LGALSL: variants seen among roughly 807,000 people sequenced by gnomAD.
LGALSL encodes galectin-related protein.
A neutral mutation model predicts 19.5 loss-of-function variants in LGALSL; 13 were observed. That is an observed-to-expected ratio of 0.67 (90% CI 0.43 to 1.06). LGALSL has a LOEUF of 1.06. Ranked by LOEUF, LGALSL falls within the 50% of genes least tolerant of loss-of-function variation. The probability of loss-of-function intolerance (pLI) is 0.00; values close to 1 mark genes in which losing one functional copy is unlikely to be tolerated. For synonymous variants in LGALSL, 86 were observed against 78.3 expected (o/e 1.10, Z -0.52); for missense variants, 189 against 219.3 (o/e 0.86, Z 0.87).
In LGALSL at chr2:64,458,714, C is replaced by G; in HGVS notation, c.*286C>G. The G allele has an allele frequency of 3.5e-6, 1 of 284,768 alleles. No individual in the cohort carries two copies. The highest frequency in any genetic ancestry group is 9.3e-5 in the South Asian group (1 of 10,746). 17.6% of individuals were successfully genotyped at this position (284,768 alleles called of 1,614,324 possible). ...TAGCAAATTATTCATCTTTTCAAAG[C>G]AAGGCAATGCTTAGAAACAGAAGTG... On this transcript the variant is annotated 3_prime_UTR_variant, in exon 5 of 5. Coordinates refer to ENST00000238875, the MANE Select transcript of LGALSL (RefSeq NM_014181.3).
rs1217000425 is a variant in LGALSL, at chr2:64,460,033, CAACAT to C, written c.*1606_*1610del. On this transcript the variant is annotated 3_prime_UTR_variant, in exon 5 of 5. Coordinates refer to ENST00000238875, the MANE Select transcript of LGALSL (RefSeq NM_014181.3). ...TTTGAGTTTTTTTTTTTTTTTTACACAACATGCAGAGGCACTGAAGTGACCATGTC... is the reference window on the plus strand; with the variant it reads ...TTTGAGTTTTTTTTTTTTTTTTACACGCAGAGGCACTGAAGTGACCATGTC... 3 of 147,898 alleles carry C rather than the reference CAACAT, an allele frequency of 2.0e-5. No individual in the cohort carries two copies. The highest frequency in any genetic ancestry group is 2.1e-4 in the South Asian group (1 of 4,714). The allele number at this position is 147,898 out of a possible 1,614,324, so 9.2% of individuals were successfully genotyped here.
rs1035433206 is a variant in LGALSL at position 64,456,539 on chromosome 2, A to G, written c.375+74A>G. On this transcript the variant is annotated intron_variant, in intron 4 of 4. Coordinates refer to ENST00000238875, the MANE Select transcript of LGALSL (RefSeq NM_014181.3). ...TTCGACTTACCTAGTGTGTGCCAAGAACACTTGAAGCAGCCAGAATTTCTG... is the reference window on the plus strand; with the variant it reads ...TTCGACTTACCTAGTGTGTGCCAAGGACACTTGAAGCAGCCAGAATTTCTG... 9 of 1,260,638 alleles carry G rather than the reference A, an allele frequency of 7.1e-6. No homozygotes were observed. In the Admixed American group the frequency reaches 2.3e-4, roughly 32 times the overall value. 78.1% of individuals were successfully genotyped at this position (1,260,638 alleles called of 1,614,324 possible).
intron 4 of LGALSL, among the ~76,000 whole-genome samples, chr2:64,457,182 T>C (rs1374706443): frequency 6.6e-6 from 1 of 152,066 alleles, no homozygotes; most frequent in Non-Finnish European, 1.5e-5. Flanking sequence ...TCCCACCACT[T>C]TGGGAGGCTG....
In LGALSL at chr2:64,454,538, G is replaced by T; in HGVS notation, c.-8G>T. On this transcript the variant is annotated 5_prime_UTR_variant, in exon 1 of 5. Coordinates refer to ENST00000238875, the MANE Select transcript of LGALSL (RefSeq NM_014181.3). This position sits in a 1 kb window ranked among gnomAD's most constrained non-coding sequence, Gnocchi z 5.1. ...CGTCCCACGTACCCCGCCGCGCCGG[G>T]CAAGAAGATGGCGGGATCAGTGGCC... 7.0e-7 allele frequency: 1 copy of T among 1,437,010 alleles called. No homozygotes were observed. Among genetic ancestry groups the T allele is most frequent in the Non-Finnish European group, 9.2e-7 (1 of 1,090,854 alleles). The allele number at this position is 1,437,010 out of a possible 1,614,324, so 89.0% of individuals were successfully genotyped here. A position where few individuals can be genotyped will look rare whatever the true frequency, so the allele number is the denominator to read the frequency against.
intron 3 of LGALSL, 87 bp downstream of exon 3, chr2:64,455,764 C>T (rs1686725504): frequency 3.2e-6 from 3 of 951,628 alleles, no homozygotes; most frequent in Non-Finnish European, 5.1e-6. Flanking sequence ...TCCTCTTCCT[C>T]TCCTTGTGGA....
Position 64,454,725 on chromosome 2 carries a change from AGCC to A in LGALSL, c.36+147_36+149del, listed in dbSNP as rs900323673. The A allele has an allele frequency of 6.1e-5, 28 of 461,692 alleles. No individual in the cohort carries two copies. The highest frequency in any genetic ancestry group is 4.8e-5 in the Admixed American group (1 of 20,804). 28.6% of individuals were successfully genotyped at this position (461,692 alleles called of 1,614,324 possible). On this transcript the variant is annotated intron_variant, in intron 1 of 4. Transcript: ENST00000238875. The surrounding 1 kb of genome is among the most constrained non-coding windows in gnomAD (Gnocchi z 5.1). ...GGGAAGGCGCCCGGTACCTGTTAGC[AGCC>A]GCTGGCTGCGCGCGGCCGGTGTTAG...
At chr2:64,456,649 G>C (rs888606123) in intron 4 of LGALSL, among the ~76,000 whole-genome samples, 184 bp downstream of exon 4, 1 of 152,220 alleles carries the variant, frequency 6.6e-6, no homozygotes, top group Admixed American at 6.5e-5. Context: ...ACTTGCCATA[G>C]TATCTTCTTA....
chr2:64,454,279 C>G lies in LGALSL; in HGVS notation c.-267C>G, dbSNP rs1021183866. 1.3e-3 allele frequency: 509 copies of G among 395,768 alleles called. 4 individuals are homozygous for G. The Admixed American group carries it at 0.018, about 14-fold the overall frequency. 24.5% of individuals were successfully genotyped at this position (395,768 alleles called of 1,614,324 possible). ...GGCAGCGGCAGCGGCAGCAAGCAGC[C>G]CCGTCGGCCCGGGTCCGGGGCCGTT... is the stretch of plus-strand genomic sequence containing the variant. On this transcript the variant is annotated 5_prime_UTR_variant, in exon 1 of 5. Transcript: ENST00000238875. This position sits in a 1 kb window ranked among gnomAD's most constrained non-coding sequence, Gnocchi z 5.1.
In LGALSL at chr2:64,454,466, G is replaced by GC. The variant is rs1686696335; in HGVS notation, c.-75dup. On this transcript the variant is annotated 5_prime_UTR_variant, in exon 1 of 5. Coordinates refer to ENST00000238875, the MANE Select transcript of LGALSL (RefSeq NM_014181.3). The surrounding 1 kb of genome is among the most constrained non-coding windows in gnomAD (Gnocchi z 5.1). ...GCCGCCAGCTCGGACCCGCGCCCCC[G>GC]CCCCCGCCCCGCGCAGGACAGCCCC... 1.6e-6 allele frequency: 1 copy of GC among 613,142 alleles called. No individual in the cohort carries two copies. The highest frequency in any genetic ancestry group is 7.8e-5 in the South Asian group (1 of 12,770). 38.0% of individuals were successfully genotyped at this position (613,142 alleles called of 1,614,324 possible).
At chr2:64,455,456 C>T in intron 2 of LGALSL, 41 bp downstream of exon 2, 5 of 1,549,108 alleles carry the variant, frequency 3.2e-6, no homozygotes, top group Non-Finnish European at 4.5e-6. Flanking sequence ...TACCTTCCTC[C>T]TTTCTCATTG....
rs1304500759 is a variant in LGALSL, at chr2:64,454,873, G to C, written c.36+292G>C. On this transcript the variant is annotated intron_variant, in intron 1 of 4. Transcript: ENST00000238875. This position sits in a 1 kb window ranked among gnomAD's most constrained non-coding sequence, Gnocchi z 5.1. ...GTGCAACCGCCAGCCAGGTGTGCGC[G>C]TGGGTGAGTGTGTCCGGGGCGCGCG... Among the ~76,000 whole-genome samples, 1 of 151,280 alleles carries C rather than the reference G, an allele frequency of 6.6e-6. No homozygotes were observed. The highest frequency in any genetic ancestry group is 1.5e-5 in the Non-Finnish European group (1 of 67,734).
Position 64,455,611 on chromosome 2 carries a change from T to G in LGALSL, c.131T>G (p.Ile44Ser), listed in dbSNP as rs1211551843. Reference sequence around the variant, plus strand: ...CAGATAGTTCCATTTTGTGGGCACATTAAAGGTGGCATGAGACCAGGCAAG... The same window carrying G: ...CAGATAGTTCCATTTTGTGGGCACAGTAAAGGTGGCATGAGACCAGGCAAG... ...PRLIVPFCGH[I>S]KGGMRPGKKV... Residue 44 changes from isoleucine to serine, a missense_variant, in exon 3 of 5, where the codon ATT becomes AGT. Coordinates refer to ENST00000238875, the MANE Select transcript of LGALSL (RefSeq NM_014181.3). The G allele has an allele frequency of 6.2e-7, 1 of 1,613,908 alleles. No individual in the cohort carries two copies. The highest frequency in any genetic ancestry group is 2.2e-5 in the East Asian group (1 of 44,894).
intron 4 of LGALSL, among the ~76,000 whole-genome samples, chr2:64,457,376 T>G (rs7595831): frequency 0.76 from 114,621 of 151,580 alleles, 43,524 homozygotes; most frequent in East Asian, 0.93. Flanking sequence ...GTGAGCTATG[T>G]GTGCATCACT....
In LGALSL at chr2:64,458,450, A is replaced by G. The variant is rs761988369; in HGVS notation, c.*22A>G. 6.2e-7 allele frequency: 1 copy of G among 1,606,606 alleles called. No homozygotes were observed. The highest frequency in any genetic ancestry group is 2.2e-5 in the East Asian group (1 of 44,702). ...CTGATTTAAACCACCTCTATTTCAA[A>G]TAGGATCACGTGCCACAACTATCTG... On this transcript the variant is annotated 3_prime_UTR_variant, in exon 5 of 5. Coordinates refer to ENST00000238875, the MANE Select transcript of LGALSL (RefSeq NM_014181.3).
intron 4 of LGALSL, among the ~76,000 whole-genome samples, chr2:64,456,926 T>C (rs1686745595): frequency 6.6e-6 from 1 of 152,202 alleles, no homozygotes. Context: ...AATGAGGCCA[T>C]GTTCGTGTCC....
chr2:64,460,167 T>G lies in LGALSL; in HGVS notation c.*1739T>G. On this transcript the variant is annotated 3_prime_UTR_variant, in exon 5 of 5. Transcript: ENST00000238875. ...TGATACATTTGGATTCTTCTCAACTTTGAAACTGTTTAGCACAGTTCCATT... is the reference window on the plus strand; with the variant it reads ...TGATACATTTGGATTCTTCTCAACTGTGAAACTGTTTAGCACAGTTCCATT... 6.6e-6 allele frequency: 1 copy of G among 152,214 alleles called. No individual in the cohort carries two copies. The highest frequency in any genetic ancestry group is 1.9e-4 in the East Asian group (1 of 5,200). 9.4% of individuals were successfully genotyped at this position (152,214 alleles called of 1,614,324 possible). A position where few individuals can be genotyped will look rare whatever the true frequency, so the allele number is the denominator to read the frequency against.
At chr2:64,456,173 A>G (rs1686732828) in intron 3 of LGALSL, 115 bp from the exon 4 acceptor site, 3 of 817,958 alleles carry the variant, frequency 3.7e-6, no homozygotes, top group South Asian at 3.3e-5. Flanking sequence ...CTTGAAGAGT[A>G]GTGGCCTCTT....
chr2:64,454,686 G>A lies in LGALSL; in HGVS notation c.36+105G>A. On this transcript the variant is annotated intron_variant, in intron 1 of 4. Coordinates refer to ENST00000238875, the MANE Select transcript of LGALSL (RefSeq NM_014181.3). The surrounding 1 kb of genome is among the most constrained non-coding windows in gnomAD (Gnocchi z 5.1). ...GTGCTGAGCAGCCGCAGGCCCGGCC[G>A]GCGCCCGGCGCGTGGGAAGGCGCCC... The A allele has an allele frequency of 1.2e-6, 1 of 847,892 alleles. No homozygotes were observed. Among genetic ancestry groups the A allele is most frequent in the Non-Finnish European group, 1.5e-6 (1 of 647,306 alleles). The allele number at this position is 847,892 out of a possible 1,614,324, so 52.5% of individuals were successfully genotyped here. A position where few individuals can be genotyped will look rare whatever the true frequency, so the allele number is the denominator to read the frequency against.
intron 3 of LGALSL, among the ~76,000 whole-genome samples, 194 bp downstream of exon 3, chr2:64,455,871 T>C (rs1165038737): frequency 6.6e-6 from 1 of 151,886 alleles, no homozygotes; most frequent in Non-Finnish European, 1.5e-5. Flanking sequence ...GCTATTTATA[T>C]CAGAGATTAT....
Sources: allele counts gnomAD v4.1 joint callset (sites outside exome capture counted in the v4.1 genomes callset), GRCh38; gene constraint gnomAD v4.1.1; non-coding constraint Gnocchi (gnomAD v3.1); transcripts MANE v1.5; gene names NCBI Gene and HGNC (gene_info 2026-07-23, HGNC 2026-07-21).